The following SETBP1 variants were observed in gnomAD, a reference collection of about 807,000 sequenced individuals.
SETBP1 encodes SET-binding protein.
SETBP1 carries 9 observed loss-of-function variants against 101.0 expected under a neutral mutation model. The ratio of observed to expected loss-of-function variants is 0.09; its 90% CI spans 0.05 to 0.16. SETBP1 has a LOEUF of 0.16. Ranked by LOEUF, SETBP1 falls within the 10% of genes least tolerant of loss-of-function variation. The pLI is 1.00. For missense variants in SETBP1, 1,858 were observed against 2,033.8 expected, an observed-to-expected ratio of 0.91 and a Z score of 1.66; for synonymous variants, 818 against 788.5, an observed-to-expected ratio of 1.04 and a Z score of -0.63.
chr18:44,768,197 A>G (rs75253757), intron 2 of SETBP1, among the ~76,000 whole-genome samples: 1,638 of 152,278 alleles, frequency 0.011, 24 homozygotes, highest in African/African-American at 0.038. Context: ...TCAAAGTCCA[A>G]TGTTGATTGC....
At chr18:44,980,869 T>C (rs2072099551) in intron 4 of SETBP1, among the ~76,000 whole-genome samples, 2 of 152,212 alleles carry the variant, frequency 1.3e-5, no homozygotes, top group Admixed American at 1.3e-4. Flanking sequence ...ATGGGTCTTC[T>C]AGACCTAGCT....
At chr18:45,031,969 C>T (rs2073306243) in intron 4 of SETBP1, among the ~76,000 whole-genome samples, 1 of 152,142 alleles carries the variant, frequency 6.6e-6, no homozygotes, top group Admixed American at 6.6e-5. Flanking sequence ...ACTCTTTTTG[C>T]AGCTGCACAA....
intron 2 of SETBP1, among the ~76,000 whole-genome samples, chr18:44,768,686 A>G (rs191229801): frequency 6.6e-6 from 1 of 152,328 alleles, no homozygotes; most frequent in Admixed American, 6.5e-5. Context: ...GCTTAACCAT[A>G]TCAGACAATG....
intron 2 of SETBP1, among the ~76,000 whole-genome samples, chr18:44,713,249 G>A (rs7229606): frequency 0.011 from 1,668 of 151,874 alleles, 25 homozygotes; most frequent in African/African-American, 0.038. Flanking sequence ...GAGCCACCGC[G>A]CCCGGCCTCA....
intron 2 of SETBP1, among the ~76,000 whole-genome samples, chr18:44,812,165 C>T (rs979552050): frequency 8.5e-5 from 13 of 152,128 alleles, no homozygotes; most frequent in African/African-American, 3.1e-4. Flanking sequence ...ACATGGCTCT[C>T]TACCTCTGTT....
intron 4 of SETBP1, among the ~76,000 whole-genome samples, chr18:44,975,732 T>A (rs1338416174): frequency 6.6e-6 from 1 of 152,200 alleles, no homozygotes; most frequent in Non-Finnish European, 1.5e-5. Context: ...GGAAAAGTCA[T>A]CTTTTCCCAA....
chr18:44,848,503 A>G (rs766004840), intron 2 of SETBP1, among the ~76,000 whole-genome samples: 2 of 152,224 alleles, frequency 1.3e-5, no homozygotes, highest in African/African-American at 2.4e-5. Flanking sequence ...GTATACACAT[A>G]TCGTGGGCTA....
chr18:44,944,070 G>A (rs2071148842), intron 3 of SETBP1, among the ~76,000 whole-genome samples: 2 of 152,002 alleles, frequency 1.3e-5, no homozygotes, highest in Non-Finnish European at 2.9e-5. Flanking sequence ...CTGACCTCAA[G>A]TGATCCACTC....
In SETBP1 at chr18:44,780,485, G is replaced by A. The variant is rs78117670; in HGVS notation, c.486+78653G>A. ...TCAGCTTTTCCTTACTTTAGGACAT[G>A]CTCATTTGTTCTTGAGTTCCAAAAC... On this transcript the variant is annotated intron_variant, in intron 2 of 5. Transcript: ENST00000649279. 5.5e-4 allele frequency among the ~76,000 whole-genome samples: 83 copies of A among 152,270 alleles called. 2 individuals are homozygous for A. In the East Asian group the frequency reaches 0.015, roughly 27 times the overall value.
chr18:44,866,383 G>A (rs1166566756), intron 2 of SETBP1, among the ~76,000 whole-genome samples: 1 of 152,144 alleles, frequency 6.6e-6, no homozygotes, highest in Non-Finnish European at 1.5e-5. Flanking sequence ...AGGTATTCTG[G>A]TCCTCACCTC....
intron 5 of SETBP1, among the ~76,000 whole-genome samples, chr18:45,054,715 C>A (rs2073780018): frequency 6.6e-6 from 1 of 152,130 alleles, no homozygotes; most frequent in Non-Finnish European, 1.5e-5. Flanking sequence ...GTCCCTTGAG[C>A]AACCTAGCAA....
At chr18:44,944,683 C>A (rs1677216592) in intron 3 of SETBP1, among the ~76,000 whole-genome samples, 2 of 152,142 alleles carry the variant, frequency 1.3e-5, no homozygotes, top group Admixed American at 1.3e-4. Flanking sequence ...AAATATCTTA[C>A]AAACAGTAAA....
intron 4 of SETBP1, among the ~76,000 whole-genome samples, chr18:45,030,952 C>CA (rs1308511526): frequency 6.6e-6 from 1 of 151,726 alleles, no homozygotes; most frequent in Non-Finnish European, 1.5e-5. Context: ...TTGATCCTTT[C>CA]AAAAAACCAG....
intron 4 of SETBP1, among the ~76,000 whole-genome samples, chr18:44,957,270 G>A (rs2071507184): frequency 6.6e-6 from 1 of 152,092 alleles, no homozygotes; most frequent in African/African-American, 2.4e-5. Context: ...AGAGTGATGA[G>A]TGACATTTTC....
At chr18:44,830,774 A>G (rs2072345892) in intron 2 of SETBP1, among the ~76,000 whole-genome samples, 1 of 152,222 alleles carries the variant, frequency 6.6e-6, no homozygotes, top group African/African-American at 2.4e-5. Context: ...CTGTTGCACG[A>G]AGACTGAAGG....
chr18:44,980,606 G>C (rs550884394), intron 4 of SETBP1, among the ~76,000 whole-genome samples: 2 of 152,288 alleles, frequency 1.3e-5, no homozygotes, highest in South Asian at 4.1e-4. Flanking sequence ...TTTGTCAGAG[G>C]AGGGAGAGGC....
intron 2 of SETBP1, among the ~76,000 whole-genome samples, chr18:44,823,318 G>T (rs1453547631): frequency 6.6e-6 from 1 of 152,190 alleles, no homozygotes; most frequent in Non-Finnish European, 1.5e-5. Context: ...TCTTACAGGT[G>T]ATACTAGTGA....
Position 45,066,421 on chromosome 18 carries a change from T to A in SETBP1, c.*2723T>A, listed in dbSNP as rs1321180405. 3 of 152,128 alleles carry A rather than the reference T, an allele frequency of 2.0e-5. No individual in the cohort carries two copies. The highest frequency in any genetic ancestry group is 2.0e-4 in the Admixed American group (3 of 15,268). 9.4% of individuals were successfully genotyped at this position (152,128 alleles called of 1,614,324 possible). The stretch of plus-strand genomic sequence containing the variant: ...TCAGCTTCCTCTCTCCACCACCCAG[T>A]TCCTCCCTCAGTATCACATTATTTT... On this transcript the variant is annotated 3_prime_UTR_variant, in exon 6 of 6. Coordinates refer to ENST00000649279, the MANE Select transcript of SETBP1 (RefSeq NM_015559.3).
chr18:44,795,825 G>C (rs181519678), intron 2 of SETBP1, among the ~76,000 whole-genome samples: 1 of 152,300 alleles, frequency 6.6e-6, no homozygotes, highest in East Asian at 1.9e-4. Context: ...AATTGTTAGA[G>C]AGTAACACAG....
Sources: allele counts gnomAD v4.1 joint callset (sites outside exome capture counted in the v4.1 genomes callset), GRCh38; gene constraint gnomAD v4.1.1; transcripts MANE v1.5; gene names NCBI Gene and HGNC (gene_info 2026-07-23, HGNC 2026-07-21).